The following CFLAR variants were observed in gnomAD, a reference collection of about 807,000 sequenced individuals.
CFLAR encodes CASP8 and FADD like apoptosis regulator.
Under a neutral mutation model 51.1 loss-of-function variants are expected in CFLAR, and 14 were observed. That is an observed-to-expected ratio of 0.27 (90% CI 0.18 to 0.43). The LOEUF is 0.43. Ranked by LOEUF, CFLAR falls within the 20% of genes least tolerant of loss-of-function variation. The pLI, the probability that CFLAR is intolerant of heterozygous loss-of-function variation, is 1.00. For missense variants in CFLAR, 390 were observed against 566.5 expected (o/e 0.69, Z 3.16); for synonymous variants, 210 against 211.6 (o/e 0.99, Z 0.06).
intron 4 of CFLAR, chr2:201,139,085 C>A: frequency 7.9e-6 from 3 of 381,870 alleles, no homozygotes; most frequent in South Asian, 6.1e-5. Context: ...TTGTTCTGTA[C>A]TAAGAAAAAT....
intron 3 of CFLAR, 151 bp downstream of exon 3, chr2:201,133,285 G>A (rs1249755106): frequency 1.7e-6 from 1 of 595,586 alleles, no homozygotes; most frequent in Non-Finnish European, 3.1e-6. Context: ...TGAATGGGAA[G>A]AGAATTGGTT....
chr2:201,155,310 T>TA (rs1941979336), intron 8 of CFLAR, among the ~76,000 whole-genome samples: 1 of 151,926 alleles, frequency 6.6e-6, no homozygotes, highest in African/African-American at 2.4e-5. Flanking sequence ...TCACCCAGGC[T>TA]ACTGGAGTGC....
At chr2:201,163,664 C>T in intron 9 of CFLAR, 171 bp from the exon 10 acceptor site, 1 of 1,403,192 alleles carries the variant, frequency 7.1e-7, no homozygotes, top group Admixed American at 3.1e-5. Flanking sequence ...TGGTGGCCAT[C>T]AGGCCAGAGT....
chr2:201,159,504 T>G (rs1942751686), intron 8 of CFLAR, among the ~76,000 whole-genome samples: 1 of 151,936 alleles, frequency 6.6e-6, no homozygotes, highest in Admixed American at 6.6e-5. Flanking sequence ...GAGACAGGGT[T>G]TCGCCATGTT....
intron 2 of CFLAR, among the ~76,000 whole-genome samples, chr2:201,132,425 G>A (rs976994837): frequency 8.2e-6 from 1 of 122,232 alleles, no homozygotes; most frequent in African/African-American, 3.8e-5. Flanking sequence ...TCCTAGGGGG[G>A]GAAAAATATA....
intron 8 of CFLAR, among the ~76,000 whole-genome samples, chr2:201,159,998 TCATGTGGGCCTCTCTGA>T (rs1942813743): frequency 6.6e-6 from 1 of 152,186 alleles, no homozygotes; most frequent in African/African-American, 2.4e-5. Flanking sequence ...AGCCTGTTCT[TCATGTGGGCCTCTCTGA>T]GGGACTGCTT....
intron 9 of CFLAR, among the ~76,000 whole-genome samples, chr2:201,161,368 C>T (rs1942970168): frequency 1.3e-5 from 2 of 151,830 alleles, no homozygotes; most frequent in Non-Finnish European, 2.9e-5. Context: ...GAGACCTTGT[C>T]TCCAATAAAC....
chr2:201,155,470 G>T (rs543410208), intron 8 of CFLAR, among the ~76,000 whole-genome samples: 1 of 152,084 alleles, frequency 6.6e-6, no homozygotes, highest in South Asian at 2.1e-4. Context: ...CACCATGTTG[G>T]CCAGGCTAGT....
At position 201,129,925 on chromosome 2, in the gene CFLAR, G is replaced by A; in HGVS notation, c.60G>A (p.Met20Ile). Residue 20 changes from methionine to isoleucine, a missense_variant, in exon 2 of 10, where the codon ATG becomes ATA. Transcript: ENST00000309955. Reference sequence around the variant, plus strand: ...CACTTGATACAGATGAGAAGGAGATGCTGCTCTTTTTGTGCCGGGATGTTG... The same window carrying A: ...CACTTGATACAGATGAGAAGGAGATACTGCTCTTTTTGTGCCGGGATGTTG... The part of the protein sequence containing the change: ...EEALDTDEKE[M>I]LLFLCRDVAI... 1.2e-6 allele frequency: 2 copies of A among 1,614,176 alleles called. No individual in the cohort carries two copies. The highest frequency in any genetic ancestry group is 1.7e-6 in the Non-Finnish European group (2 of 1,180,036).
rs1014377983 is a variant in CFLAR at position 201,168,263 on chromosome 2, T to A, written c.*4290T>A. The A allele has an allele frequency of 6.6e-6, 1 of 151,890 alleles. No homozygotes were observed. Among genetic ancestry groups the A allele is most frequent in the African/African-American group, 2.4e-5 (1 of 41,468 alleles). The allele number at this position is 151,890 out of a possible 1,614,324, so 9.4% of individuals were successfully genotyped here. On this transcript the variant is annotated 3_prime_UTR_variant, in exon 10 of 10. Transcript: ENST00000309955. ...TCTCAAAAATAAATAAATAAATAAA[T>A]AATAAATAAAATGTTTGGAATGTTG...
chr2:201,145,525 C>A, intron 6 of CFLAR, 93 bp downstream of exon 6: 1 of 810,580 alleles, frequency 1.2e-6, no homozygotes, highest in Non-Finnish European at 2.1e-6. Context: ...TTTCCTTTAT[C>A]TACATAATCT....
intron 7 of CFLAR, 30 bp from the exon 8 acceptor site, chr2:201,149,724 G>GAAA: frequency 6.5e-7 from 1 of 1,543,616 alleles, no homozygotes; most frequent in African/African-American, 1.4e-5. Flanking sequence ...AATATCCAGA[G>GAAA]TCTTTAGCAT....
At chr2:201,132,934 C>G in intron 2 of CFLAR, 95 bp from the exon 3 acceptor site, 1 of 1,372,260 alleles carries the variant, frequency 7.3e-7, no homozygotes, top group South Asian at 1.3e-5. Context: ...AAGAACTAGT[C>G]TTTTAATCCA....
At chr2:201,120,525 C>T (rs2048096577) in intron 1 of CFLAR, among the ~76,000 whole-genome samples, 1 of 152,112 alleles carries the variant, frequency 6.6e-6, no homozygotes, top group Non-Finnish European at 1.5e-5. Context: ...CATCTGCATA[C>T]TCATGATAAT....
chr2:201,123,399 G>A (rs2048374083), intron 1 of CFLAR, among the ~76,000 whole-genome samples: 1 of 152,180 alleles, frequency 6.6e-6, no homozygotes, highest in African/African-American at 2.4e-5. Flanking sequence ...CCAAGATCAA[G>A]GTGCTGACAT....
At position 201,145,443 on chromosome 2, in the gene CFLAR, C is replaced by CT. The variant is rs774043719; in HGVS notation, c.661+18dup. On this transcript the variant is annotated intron_variant, in intron 6 of 9. Transcript: ENST00000309955. Reference sequence around the variant, plus strand: ...AGCTTGGCGCTCAACGTAAGACCACCTTTTTTTAATATTCATTATTTATAA... The same window carrying CT: ...AGCTTGGCGCTCAACGTAAGACCACCTTTTTTTTAATATTCATTATTTATAA... The CT allele has an allele frequency of 8.4e-6, 13 of 1,556,140 alleles. No homozygotes were observed. The highest frequency in any genetic ancestry group is 1.7e-4 in the Middle Eastern group (1 of 5,966).
intron 5 of CFLAR, chr2:201,144,189 T>A (rs1462171923): frequency 6.6e-6 from 1 of 152,222 alleles, no homozygotes; most frequent in Non-Finnish European, 1.5e-5. Flanking sequence ...TAACAGATAG[T>A]GTATTTCACT....
rs1258196671 is a variant in CFLAR at position 201,175,690 on chromosome 2, A to C, written c.*11717A>C. 5 of 152,230 alleles carry C rather than the reference A, an allele frequency of 3.3e-5. No homozygotes were observed. Among genetic ancestry groups the C allele is most frequent in the Non-Finnish European group, 7.3e-5 (5 of 68,048 alleles). 9.4% of individuals were successfully genotyped at this position (152,230 alleles called of 1,614,324 possible). A position where few individuals can be genotyped will look rare whatever the true frequency, so the allele number is the denominator to read the frequency against. ...AGTTGTTACTGGTGGACGGTATCCAAGTTACTGGTGGTAAATCTGCAGCAA... is the reference window on the plus strand; with the variant it reads ...AGTTGTTACTGGTGGACGGTATCCACGTTACTGGTGGTAAATCTGCAGCAA... On this transcript the variant is annotated 3_prime_UTR_variant, in exon 10 of 10. Transcript: ENST00000309955.
rs181265054 is a variant in CFLAR at position 201,138,551 on chromosome 2, C to T, written c.524-1806C>T. 232 of 1,592,342 alleles carry T rather than the reference C, an allele frequency of 1.5e-4. No homozygotes were observed. Among genetic ancestry groups the T allele is most frequent in the Non-Finnish European group, 1.9e-4 (223 of 1,173,256 alleles). Reference sequence around the variant, plus strand: ...CCTCACTGAGGAGGGTGGTGTGGTCCTTCTCAGCAAGAAAGTCGATGTCTC... The same window carrying T: ...CCTCACTGAGGAGGGTGGTGTGGTCTTTCTCAGCAAGAAAGTCGATGTCTC... On this transcript the variant is annotated intron_variant, in intron 4 of 9. Coordinates refer to ENST00000309955, the MANE Select transcript of CFLAR (RefSeq NM_003879.7). This position sits in a 1 kb window ranked among gnomAD's most constrained non-coding sequence, Gnocchi z 4.0.
Sources: gnomAD v4.1 joint callset for allele counts (sites outside exome capture counted in the v4.1 genomes callset) on GRCh38, gnomAD v4.1.1 for gene constraint, Gnocchi (gnomAD v3.1) non-coding constraint, MANE v1.5 for transcripts, NCBI Gene and HGNC (gene_info 2026-07-23, HGNC 2026-07-21) for gene names.